DENND5B: variants seen among roughly 807,000 people sequenced by gnomAD.
DENND5B encodes DENN domain containing 5B, also known as DENN domain-containing protein 5B.
A neutral mutation model predicts 140.6 loss-of-function variants in DENND5B; 34 were observed. That is an observed-to-expected ratio of 0.24 (90% CI 0.18 to 0.32). DENND5B has a LOEUF of 0.32. Among genes scored for constraint, DENND5B ranks in the 10% least tolerant of loss-of-function variants. The pLI is 1.00. For synonymous variants in DENND5B, 551 were observed against 562.1 expected, an observed-to-expected ratio of 0.98 and a Z score of 0.28; for missense variants, 1,142 against 1,560.2, an observed-to-expected ratio of 0.73 and a Z score of 4.52.
intron 11 of DENND5B, among the ~76,000 whole-genome samples, chr12:31,418,613 C>G (rs140489820): frequency 5.3e-5 from 8 of 151,808 alleles, no homozygotes; most frequent in Non-Finnish European, 5.9e-5. Flanking sequence ...TTTTTGAGGA[C>G]AAAGTGAGAT....
chr12:31,536,904 G>T (rs1948515505), intron 1 of DENND5B, among the ~76,000 whole-genome samples: 1 of 152,072 alleles, frequency 6.6e-6, no homozygotes, highest in Admixed American at 6.6e-5. Context: ...AATCCTTACA[G>T]GCCAGAAGAG....
At position 31,404,776 on chromosome 12, in the gene DENND5B, T is replaced by TTTTTTTTTA. The variant is rs1942025297; in HGVS notation, c.2804-2134_2804-2133insTAAAAAAAA. ...ACCTCTAGCTTTTTTTTTTTTTTTT[T>TTTTTTTTTA]GAGACAGAGTTTTGCTCTTGTGGCC... On this transcript the variant is annotated intron_variant, in intron 14 of 20. Coordinates refer to ENST00000389082, the MANE Select transcript of DENND5B (RefSeq NM_144973.4). 1.3e-4 allele frequency among the ~76,000 whole-genome samples: 19 copies of TTTTTTTTTA among 145,886 alleles called. 1 individual carries two copies. The highest frequency in any genetic ancestry group is 2.0e-4 in the East Asian group (1 of 4,914).
intron 1 of DENND5B, among the ~76,000 whole-genome samples, chr12:31,532,354 A>G (rs1411111909): frequency 6.6e-6 from 1 of 152,148 alleles, no homozygotes; most frequent in African/African-American, 2.4e-5. Flanking sequence ...AAGAGAGGGG[A>G]GGTTTAAGAC....
chr12:31,529,607 T>A (rs935380277), intron 1 of DENND5B, among the ~76,000 whole-genome samples: 1 of 151,970 alleles, frequency 6.6e-6, no homozygotes, highest in African/African-American at 2.4e-5. Flanking sequence ...GGGGGATCGC[T>A]TGAGCCCTGG....
chr12:31,496,773 G>GT (rs1018898330), intron 1 of DENND5B, among the ~76,000 whole-genome samples: 7 of 151,888 alleles, frequency 4.6e-5, no homozygotes, highest in Non-Finnish European at 8.8e-5. Context: ...TATCAGATTA[G>GT]TTTTTTTAAC....
intron 11 of DENND5B, 49 bp downstream of exon 11, chr12:31,423,548 A>G: frequency 6.3e-7 from 1 of 1,577,334 alleles, no homozygotes; most frequent in Non-Finnish European, 8.7e-7. Context: ...AATAGTATTG[A>G]GTCTTCTCAG....
chr12:31,479,543 C>CA, intron 3 of DENND5B, 46 bp downstream of exon 3: 1 of 1,436,522 alleles, frequency 7.0e-7, no homozygotes, highest in Non-Finnish European at 9.2e-7. Flanking sequence ...TAGTTGGGAG[C>CA]AAAAGTACTT....
chr12:31,521,498 G>C (rs550543621), intron 1 of DENND5B, among the ~76,000 whole-genome samples: 49 of 152,198 alleles, frequency 3.2e-4, no homozygotes, highest in African/African-American at 9.6e-4. Context: ...ACAGGGTTAA[G>C]TAAAATTATA....
At chr12:31,469,422 A>C (rs1945439707) in intron 3 of DENND5B, among the ~76,000 whole-genome samples, 3 of 151,998 alleles carry the variant, frequency 2.0e-5, no homozygotes, top group Admixed American at 2.0e-4. Flanking sequence ...GGTAAGTCCA[A>C]GGAAAGCATA....
chr12:31,433,250 T>G lies in DENND5B; in HGVS notation c.2013-2A>C. 6.2e-7 allele frequency: 1 copy of G among 1,606,866 alleles called. No individual in the cohort carries two copies. Among genetic ancestry groups the G allele is most frequent in the Non-Finnish European group, 8.5e-7 (1 of 1,177,540 alleles). On this transcript the variant is annotated splice_acceptor_variant, in intron 7 of 20. Transcript: ENST00000389082. LOFTEE classifies it high-confidence loss of function. ...GTGGCACTCCGACTTACCCAGCGAC[T>G]GAAACAATCAAATTATTTAAAAATG...
chr12:31,524,374 C>T (rs187601301), intron 1 of DENND5B, among the ~76,000 whole-genome samples: 67 of 152,234 alleles, frequency 4.4e-4, no homozygotes, highest in Admixed American at 3.7e-3. Flanking sequence ...CTGGTTGGGA[C>T]GGGCACGGTG....
intron 2 of DENND5B, among the ~76,000 whole-genome samples, chr12:31,484,137 A>C (rs939171851): frequency 3.3e-5 from 5 of 152,096 alleles, no homozygotes; most frequent in African/African-American, 1.2e-4. Context: ...TACAGGTGTA[A>C]GCTACCCGAC....
chr12:31,505,997 G>A (rs905908529), intron 1 of DENND5B, among the ~76,000 whole-genome samples: 1 of 151,806 alleles, frequency 6.6e-6, no homozygotes, highest in Non-Finnish European at 1.5e-5. Flanking sequence ...CTCATGCCTG[G>A]CTAATTTTTA....
At chr12:31,579,755 GAGGGAGGA>G (rs1228162119) in intron 1 of DENND5B, among the ~76,000 whole-genome samples, 8 of 140,778 alleles carry the variant, frequency 5.7e-5, no homozygotes, top group African/African-American at 1.6e-4. Flanking sequence ...GGAAGGGAGA[GAGGGAGGA>G]AGGGAGGAAG....
At chr12:31,504,325 C>A (rs1168616642) in intron 1 of DENND5B, among the ~76,000 whole-genome samples, 1 of 152,120 alleles carries the variant, frequency 6.6e-6, no homozygotes, top group Non-Finnish European at 1.5e-5. Context: ...AAATATAGCA[C>A]AAAAGTTCTG....
At chr12:31,491,720 G>GA (rs773058399) in intron 2 of DENND5B, among the ~76,000 whole-genome samples, 3 of 151,646 alleles carry the variant, frequency 2.0e-5, no homozygotes, top group South Asian at 4.2e-4. Context: ...AGCAACTGAG[G>GA]AAAAAAAACT....
intron 4 of DENND5B, among the ~76,000 whole-genome samples, chr12:31,452,795 T>C (rs892933652): frequency 2.6e-5 from 4 of 152,196 alleles, no homozygotes; most frequent in African/African-American, 7.2e-5. Context: ...TTTCCCTATG[T>C]GAGTTTTTTA....
At chr12:31,529,135 C>T (rs1458313279) in intron 1 of DENND5B, among the ~76,000 whole-genome samples, 2 of 148,336 alleles carry the variant, frequency 1.3e-5, no homozygotes, top group East Asian at 3.9e-4. Context: ...TAAACTCCAG[C>T]CTGCGCAACA....
chr12:31,470,111 C>CT (rs762346220), intron 3 of DENND5B, among the ~76,000 whole-genome samples: 65,500 of 105,180 alleles, frequency 0.62, 21,376 homozygotes, highest in East Asian at 0.75. Context: ...CCATGTCTGG[C>CT]TTTTTTTTTT....
Sources: allele counts gnomAD v4.1 joint callset (sites outside exome capture counted in the v4.1 genomes callset), GRCh38; gene constraint gnomAD v4.1.1; transcripts MANE v1.5; gene names NCBI Gene and HGNC (gene_info 2026-07-23, HGNC 2026-07-21).